Variants in SLC36A4 observed in about 807,000 individuals in gnomAD.
SLC36A4 encodes the protein solute carrier family 36 member 4.
In SLC36A4, 49 loss-of-function variants were observed where a neutral mutation model predicts 50.5. The observed-to-expected ratio is 0.97, with a 90% CI of 0.77 to 1.23. The LOEUF is 1.23. Ranked by LOEUF, SLC36A4 falls within the 50% of genes most tolerant of loss-of-function variation. The pLI, the probability that SLC36A4 is intolerant of heterozygous loss-of-function variation, is 0.00. For synonymous variants in SLC36A4, 207 were observed against 206.5 expected, an observed-to-expected ratio of 1.00 and a Z score of -0.02; for missense variants, 611 against 608.4, an observed-to-expected ratio of 1.00 and a Z score of -0.05.
At chr11:93,193,799 T>C (rs1453784862) in intron 1 of SLC36A4, among the ~76,000 whole-genome samples, 1 of 152,192 alleles carries the variant, frequency 6.6e-6, no homozygotes, top group African/African-American at 2.4e-5. Flanking sequence ...ATATCCTATG[T>C]ATTAAAGTCT....
chr11:93,181,714 A>G lies in SLC36A4; in HGVS notation c.432T>C (p.Leu144=). Residue 144 remains leucine, a synonymous_variant, in exon 5 of 11, where the codon CTT becomes CTC. Transcript: ENST00000326402. The part of the protein sequence containing the change: ...FAMEVSPWSC[L]QKQAAWGRSV... ...ACCGCCCCCATGCTGCTTGCTTCTGAAGACAACTCCAAGGACTCACTTCCA... is the reference window on the plus strand; with the variant it reads ...ACCGCCCCCATGCTGCTTGCTTCTGGAGACAACTCCAAGGACTCACTTCCA... 6.5e-7 allele frequency: 1 copy of G among 1,540,462 alleles called. No homozygotes were observed. Among genetic ancestry groups the G allele is most frequent in the Middle Eastern group, 1.7e-4 (1 of 5,972 alleles).
At chr11:93,180,508 T>C (rs1392965011) in intron 6 of SLC36A4, among the ~76,000 whole-genome samples, 1 of 152,140 alleles carries the variant, frequency 6.6e-6, no homozygotes, top group Non-Finnish European at 1.5e-5. Context: ...AAAGCATCTA[T>C]GTATATGCTT....
chr11:93,170,906 A>G (rs922489933), intron 6 of SLC36A4, among the ~76,000 whole-genome samples: 1 of 152,102 alleles, frequency 6.6e-6, no homozygotes, highest in African/African-American at 2.4e-5. Context: ...TTGGGGGTTA[A>G]TAAGATACAT....
intron 1 of SLC36A4, among the ~76,000 whole-genome samples, chr11:93,188,783 T>C (rs900225220): frequency 2.0e-5 from 3 of 152,168 alleles, no homozygotes; most frequent in South Asian, 2.1e-4. Flanking sequence ...ACCTATCACA[T>C]TGGTTTCCTA....
chr11:93,164,618 G>A (rs945939246), intron 8 of SLC36A4, among the ~76,000 whole-genome samples: 4 of 152,296 alleles, frequency 2.6e-5, no homozygotes, highest in African/African-American at 9.6e-5. Flanking sequence ...CAGTTTGGAT[G>A]CTATGGAGAT....
At position 93,145,528 on chromosome 11, in the gene SLC36A4, T is replaced by G. The variant is rs1859830706; in HGVS notation, c.*3009A>C. The G allele has an allele frequency of 6.6e-6, 1 of 152,076 alleles. No homozygotes were observed. Among genetic ancestry groups the G allele is most frequent in the African/African-American group, 2.4e-5 (1 of 41,434 alleles). 9.4% of individuals were successfully genotyped at this position (152,076 alleles called of 1,614,324 possible). A position where few individuals can be genotyped will look rare whatever the true frequency, so the allele number is the denominator to read the frequency against. On this transcript the variant is annotated 3_prime_UTR_variant, in exon 11 of 11. Coordinates refer to ENST00000326402, the MANE Select transcript of SLC36A4 (RefSeq NM_152313.4). ...GTCTGAGAACCAGTGTTTTGACAAG[T>G]TGACTCTGATACTGATGAAACTCTT...
At chr11:93,162,673 T>G (rs375290496) in intron 9 of SLC36A4, 33 bp downstream of exon 9, 2 of 1,507,168 alleles carry the variant, frequency 1.3e-6, no homozygotes, top group African/African-American at 2.8e-5. Context: ...ATAAAATATA[T>G]AAACTAATAT....
intron 6 of SLC36A4, among the ~76,000 whole-genome samples, chr11:93,179,197 AAT>A (rs1861627901): frequency 6.7e-6 from 1 of 148,864 alleles, no homozygotes; most frequent in Non-Finnish European, 1.5e-5. Context: ...AGGTCTGAGA[AAT>A]AAAGACATGA....
intron 8 of SLC36A4, among the ~76,000 whole-genome samples, chr11:93,164,011 G>A (rs1482525346): frequency 6.6e-6 from 1 of 151,954 alleles, no homozygotes; most frequent in Non-Finnish European, 1.5e-5. Flanking sequence ...GCCTCATCTT[G>A]CATTTCCTTG....
chr11:93,176,121 T>G (rs1285226769), intron 6 of SLC36A4, among the ~76,000 whole-genome samples: 5 of 149,586 alleles, frequency 3.3e-5, no homozygotes, highest in African/African-American at 1.2e-4. Flanking sequence ...GCTTTATGAA[T>G]CTGGGTGCTC....
chr11:93,175,873 T>C, intron 6 of SLC36A4, among the ~76,000 whole-genome samples: 1 of 94,714 alleles, frequency 1.1e-5, no homozygotes, highest in Non-Finnish European at 2.1e-5. Flanking sequence ...TCCAACTATG[T>C]GGTCAATTTT....
Position 93,180,964 on chromosome 11 carries a change from A to T in SLC36A4, c.456-83T>A, listed in dbSNP as rs1861706986. ...TTTATTTCTCTTTTCAAGAGTTTTA[A>T]AACATTTTATTATAGCATATATTCT... On this transcript the variant is annotated intron_variant, in intron 5 of 10. Coordinates refer to ENST00000326402, the MANE Select transcript of SLC36A4 (RefSeq NM_152313.4). 4.0e-6 allele frequency: 4 copies of T among 995,674 alleles called. No homozygotes were observed. In the South Asian group the frequency reaches 5.6e-5, roughly 14 times the overall value. The allele number at this position is 995,674 out of a possible 1,614,324, so 61.7% of individuals were successfully genotyped here.
chr11:93,180,317 A>G, intron 6 of SLC36A4: 1 of 985,344 alleles, frequency 1.0e-6, no homozygotes, highest in Non-Finnish European at 1.2e-6. Context: ...TCATAATATG[A>G]GAAAGTTTCT....
chr11:93,157,864 C>T (rs560780717), intron 9 of SLC36A4, among the ~76,000 whole-genome samples: 1 of 152,254 alleles, frequency 6.6e-6, no homozygotes, highest in East Asian at 1.9e-4. Flanking sequence ...CCCTTTGTTT[C>T]TTTCTCTTGC....
At position 93,147,362 on chromosome 11, in the gene SLC36A4, C is replaced by A. The variant is rs1200939777; in HGVS notation, c.*1175G>T. 6.6e-6 allele frequency: 1 copy of A among 152,022 alleles called. No individual in the cohort carries two copies. The highest frequency in any genetic ancestry group is 1.5e-5 in the Non-Finnish European group (1 of 67,992). 9.4% of individuals were successfully genotyped at this position (152,022 alleles called of 1,614,324 possible). A position where few individuals can be genotyped will look rare whatever the true frequency, so the allele number is the denominator to read the frequency against. ...ACAGGGCTGGAAAGAGTCCACAAAT[C>A]CTCCGTTTTCTGAGGTGTCTATTTT... On this transcript the variant is annotated 3_prime_UTR_variant, in exon 11 of 11. Coordinates refer to ENST00000326402, the MANE Select transcript of SLC36A4 (RefSeq NM_152313.4).
chr11:93,176,574 C>T (rs1313344581), intron 6 of SLC36A4, among the ~76,000 whole-genome samples: 1 of 151,948 alleles, frequency 6.6e-6, no homozygotes, highest in Non-Finnish European at 1.5e-5. Flanking sequence ...CATGATTTTG[C>T]AGCAGCTGGT....
intron 10 of SLC36A4, among the ~76,000 whole-genome samples, chr11:93,149,784 A>G (rs1859995405): frequency 6.6e-6 from 1 of 152,012 alleles, no homozygotes; most frequent in Non-Finnish European, 1.5e-5. Flanking sequence ...TCTTAGTGGG[A>G]AAACTGGCAA....
At chr11:93,190,320 G>A (rs1862163335) in intron 1 of SLC36A4, among the ~76,000 whole-genome samples, 1 of 152,072 alleles carries the variant, frequency 6.6e-6, no homozygotes, top group African/African-American at 2.4e-5. Context: ...TACGGCAACG[G>A]TAGTTAACAA....
At chr11:93,159,846 C>T (rs906331377) in intron 9 of SLC36A4, 8 of 985,212 alleles carry the variant, frequency 8.1e-6, no homozygotes, top group South Asian at 4.7e-5. Context: ...TCTTTTCTTG[C>T]AGAAATAACC....
Sources: allele counts gnomAD v4.1 joint callset (sites outside exome capture counted in the v4.1 genomes callset), GRCh38; gene constraint gnomAD v4.1.1; transcripts MANE v1.5; gene names NCBI Gene and HGNC (gene_info 2026-07-23, HGNC 2026-07-21).